ASGR1: variants seen among roughly 807,000 people sequenced by gnomAD.
ASGR1 encodes the protein C-type lectin domain family 4 member H1.
In ASGR1, 35 loss-of-function variants were observed where a neutral mutation model predicts 33.1. The ratio of observed to expected loss-of-function variants is 1.06; its 90% CI spans 0.81 to 1.40. The LOEUF (loss-of-function observed/expected upper bound fraction) is 1.40, where lower values mean the gene tolerates loss of function less well. Ranked by LOEUF, ASGR1 falls within the 40% of genes most tolerant of loss-of-function variation. The pLI is 0.00. For missense variants in ASGR1, 396 were observed against 373.7 expected, an observed-to-expected ratio of 1.06 and a Z score of -0.49; for synonymous variants, 142 against 152.5, an observed-to-expected ratio of 0.93 and a Z score of 0.51.
Position 7,177,006 on chromosome 17 carries a change from G to C in ASGR1, c.258C>G (p.Ala86=). 1 of 1,612,222 alleles carries C rather than the reference G, an allele frequency of 6.2e-7. No individual in the cohort carries two copies. Among genetic ancestry groups the C allele is most frequent in the Non-Finnish European group, 8.5e-7 (1 of 1,179,828 alleles). The change falls in exon 4 of 9, where the codon GCC becomes GCG. Residue 86 remains alanine, a synonymous_variant. Coordinates refer to ENST00000269299, the MANE Select transcript of ASGR1 (RefSeq NM_001671.5). ...TFSNFTASTE[A]QVKGLSTQGG... ...CCTGGGTGCTCAAGCCCTTGACCTG[G>C]GCCTCCGTGCTCGCTGTGAAGTTGC...
rs1203143511 is a variant in ASGR1 at position 7,177,321 on chromosome 17, G to A, written c.76C>T (p.Pro26Ser). The A allele has an allele frequency of 1.9e-6, 3 of 1,613,336 alleles. No individual in the cohort carries two copies. Among genetic ancestry groups the A allele is most frequent in the Non-Finnish European group, 2.5e-6 (3 of 1,179,686 alleles). ...CGCTGCAGGAGGGGCTGGGGAGGAG[G>A]TGGCCCTGCAAGAGGAGGGGGTGTC... ...SDHHQLRKGP[P>S]PPQPLLQRLC... Residue 26 changes from proline (P) to serine (S), a missense_variant, in exon 3 of 9, where the codon CCT becomes TCT. Pro to Ser is a moderately conservative substitution (Grantham distance 74). Coordinates refer to ENST00000269299, the MANE Select transcript of ASGR1 (RefSeq NM_001671.5).
intron 2 of ASGR1, 182 bp downstream of exon 2, chr17:7,178,312 A>G (rs969780460): frequency 1.5e-6 from 1 of 652,836 alleles, no homozygotes; most frequent in Non-Finnish European, 2.7e-6. Context: ...CAATAAAGGG[A>G]CTCCAACCCC....
intron 3 of ASGR1, 31 bp downstream of exon 3, chr17:7,177,179 G>C (rs761940338): frequency 6.2e-7 from 1 of 1,612,018 alleles, no homozygotes; most frequent in South Asian, 1.1e-5. Context: ...ACCCCCCAAT[G>C]TTGCCCCCTT....
At chr17:7,177,189 T>G (rs767476051) in intron 3 of ASGR1, 21 bp downstream of exon 3, 6 of 1,612,298 alleles carry the variant, frequency 3.7e-6, no homozygotes, top group African/African-American at 2.7e-5. Context: ...GTTGCCCCCT[T>G]CCCACCCCTG....
intron 5 of ASGR1, among the ~76,000 whole-genome samples, chr17:7,175,014 ACACT>A (rs1005029755): frequency 6.0e-5 from 9 of 149,124 alleles, no homozygotes; most frequent in Non-Finnish European, 1.0e-4. Context: ...ACTCACATAC[ACACT>A]CACACAACAC....
rs929644387 is a variant in ASGR1 at position 7,174,687 on chromosome 17, TAACACACACACACAGACAATATAC to T, written c.356-251_356-228del. 2.3e-4 allele frequency among the ~76,000 whole-genome samples: 32 copies of T among 140,106 alleles called. 1 individual carries two copies. In the Middle Eastern group the frequency reaches 0.013, roughly 56 times the overall value. The allele number at this position is 140,106 out of a possible 152,430, so 91.9% of individuals were successfully genotyped here. A position where few individuals can be genotyped will look rare whatever the true frequency, so the allele number is the denominator to read the frequency against. The stretch of plus-strand genomic sequence containing the variant: ...ACTCACACAGACACACAACACATCC[TAACACACACACACAGACAATATAC>T]AACACACACACACACAACCTAACCC... On this transcript the variant is annotated intron_variant, in intron 5 of 8. Coordinates refer to ENST00000269299, the MANE Select transcript of ASGR1 (RefSeq NM_001671.5).
At position 7,173,646 on chromosome 17, in the gene ASGR1, T is replaced by C. The variant is rs764297498; in HGVS notation, c.*13A>G. On this transcript the variant is annotated 3_prime_UTR_variant, in exon 9 of 9. Transcript: ENST00000269299. This position sits in a 1 kb window ranked among gnomAD's most constrained non-coding sequence, Gnocchi z 4.7. ...CGGACCCCTGCGGCAGGTCGAGGCATTGAAGAAATAAATTAAAGGAGAGGT... is the reference window on the plus strand; with the variant it reads ...CGGACCCCTGCGGCAGGTCGAGGCACTGAAGAAATAAATTAAAGGAGAGGT... 1.2e-5 allele frequency: 19 copies of C among 1,612,062 alleles called. No homozygotes were observed. In the Admixed American group the frequency reaches 2.3e-4, roughly 20 times the overall value.
intron 5 of ASGR1, 98 bp downstream of exon 5, chr17:7,176,732 T>A: frequency 6.6e-7 from 1 of 1,514,758 alleles, no homozygotes; most frequent in Non-Finnish European, 9.0e-7. Context: ...CCTCTCATTC[T>A]CACACACATC....
Position 7,176,815 on chromosome 17 carries a change from C to T in ASGR1, c.355+15G>A. On this transcript the variant is annotated intron_variant, in intron 5 of 8. Coordinates refer to ENST00000269299, the MANE Select transcript of ASGR1 (RefSeq NM_001671.5). ...TTTCACACACACACACACACACACA[C>T]ACTCCCTCTCTGACCTTCACTCAGG... is the stretch of plus-strand genomic sequence containing the variant. 6.2e-6 allele frequency: 10 copies of T among 1,611,624 alleles called. No homozygotes were observed. The highest frequency in any genetic ancestry group is 8.5e-6 in the Non-Finnish European group (10 of 1,179,984).
At chr17:7,178,819 C>T in intron 1 of ASGR1, 2 of 340,912 alleles carry the variant, frequency 5.9e-6, no homozygotes, top group Non-Finnish European at 1.0e-5. Flanking sequence ...TTACTGCAAC[C>T]TCTGCCTCCC....
At position 7,174,251 on chromosome 17, in the gene ASGR1, G is replaced by T; in HGVS notation, c.481C>A (p.His161Asn). Residue 161 changes from histidine to asparagine, a missense_variant, in exon 7 of 9, where the codon CAC (histidine) becomes AAC (asparagine). By Grantham distance (68) the His-to-Asn change is moderately conservative. Coordinates refer to ENST00000269299, the MANE Select transcript of ASGR1 (RefSeq NM_001671.5). ...GAGAACCAGTAGCAGCTGCGCTCGT[G>T]CTCCACCCAGTTGACCGGGCAGCAG... ...RTCCPVNWVEHERSCYWFSRS... is the reference protein window; with the variant it reads ...RTCCPVNWVENERSCYWFSRS... The T allele has an allele frequency of 6.2e-7, 1 of 1,614,166 alleles. No individual in the cohort carries two copies. The highest frequency in any genetic ancestry group is 8.5e-7 in the Non-Finnish European group (1 of 1,180,006).
At position 7,173,856 on chromosome 17, in the gene ASGR1, G is replaced by A; in HGVS notation, c.702-23C>T. The A allele has an allele frequency of 6.2e-7, 1 of 1,607,430 alleles. No homozygotes were observed. Among genetic ancestry groups the A allele is most frequent in the Non-Finnish European group, 8.5e-7 (1 of 1,177,534 alleles). On this transcript the variant is annotated intron_variant, in intron 8 of 8. Coordinates refer to ENST00000269299, the MANE Select transcript of ASGR1 (RefSeq NM_001671.5). This position sits in a 1 kb window ranked among gnomAD's most constrained non-coding sequence, Gnocchi z 4.7. ...TTCCTGGGGACAGAGCCAGCTGTGG[G>A]CCCCAGGAGGTCGGATCCGCAGGCG... is the stretch of plus-strand genomic sequence containing the variant.
chr17:7,173,947 G>C lies in ASGR1; in HGVS notation c.701+14C>G. 6.2e-7 allele frequency: 1 copy of C among 1,614,012 alleles called. No homozygotes were observed. Among genetic ancestry groups the C allele is most frequent in the Non-Finnish European group, 8.5e-7 (1 of 1,179,964 alleles). ...AGGCGGCCGGACCCAGGCCGAGGGA[G>C]GGCGCGCACTCACTTGAAGCCCGTC... On this transcript the variant is annotated intron_variant, in intron 8 of 8. Transcript: ENST00000269299. The surrounding 1 kb of genome is among the most constrained non-coding windows in gnomAD (Gnocchi z 4.7).
At chr17:7,174,897 AAC>A (rs974873543) in intron 5 of ASGR1, among the ~76,000 whole-genome samples, 3 of 148,692 alleles carry the variant, frequency 2.0e-5, no homozygotes, top group Non-Finnish European at 3.0e-5. Flanking sequence ...CAACACATAA[AAC>A]ACACAATACA....
In ASGR1 at chr17:7,173,716, G is replaced by A. The variant is rs138782271; in HGVS notation, c.819C>T (p.Tyr273=). ...RWNDDVCQRP[Y]RWVCETELDK... Reference sequence around the variant, plus strand: ...CCAGCTCTGTCTCGCAGACCCAGCGGTAGGGCCTCTGGCAGACGTCGTCGT... The same window carrying A: ...CCAGCTCTGTCTCGCAGACCCAGCGATAGGGCCTCTGGCAGACGTCGTCGT... Residue 273 remains tyrosine (Y), a synonymous_variant, in exon 9 of 9, where the codon TAC becomes TAT. Transcript: ENST00000269299. The surrounding 1 kb of genome is among the most constrained non-coding windows in gnomAD (Gnocchi z 4.7). The A allele has an allele frequency of 2.5e-6, 4 of 1,613,908 alleles. No individual in the cohort carries two copies. Among genetic ancestry groups the A allele is most frequent in the African/African-American group, 2.7e-5 (2 of 75,068 alleles).
In ASGR1 at chr17:7,177,031, C is replaced by T. The variant is rs2069226149; in HGVS notation, c.233G>A (p.Ser78Asn). 6.2e-7 allele frequency: 1 copy of T among 1,611,810 alleles called. No homozygotes were observed. The highest frequency in any genetic ancestry group is 8.5e-7 in the Non-Finnish European group (1 of 1,179,494). Residue 78 changes from serine (S) to asparagine (N), a missense_variant, in exon 4 of 9, where the codon AGC becomes AAC. Transcript: ENST00000269299. ...EELRGLRETF[S>N]NFTASTEAQV... ...GGCCTCCGTGCTCGCTGTGAAGTTG[C>T]TGAACGTCTCTCTCAGGCCCCGCAG... is the stretch of plus-strand genomic sequence containing the variant.
intron 5 of ASGR1, among the ~76,000 whole-genome samples, chr17:7,175,902 C>A (rs2069195663): frequency 6.7e-6 from 1 of 149,566 alleles, no homozygotes; most frequent in South Asian, 2.1e-4. Context: ...CCATCTCATT[C>A]TCACACTCAC....
At chr17:7,174,712 AACACAC>A (rs377586367) in intron 5 of ASGR1, among the ~76,000 whole-genome samples, 1 of 143,864 alleles carries the variant, frequency 7.0e-6, no homozygotes, top group Non-Finnish European at 1.5e-5. Context: ...GACAATATAC[AACACAC>A]ACACACACAA....
chr17:7,176,056 TCACA>T (rs1003054502), intron 5 of ASGR1, among the ~76,000 whole-genome samples: 2 of 129,814 alleles, frequency 1.5e-5, no homozygotes, highest in Non-Finnish European at 3.3e-5. Context: ...TCACACAGAC[TCACA>T]CACCCATCCA....
Sources: allele counts gnomAD v4.1 joint callset (sites outside exome capture counted in the v4.1 genomes callset), GRCh38; gene constraint gnomAD v4.1.1; non-coding constraint Gnocchi (gnomAD v3.1); transcripts MANE v1.5; gene names NCBI Gene and HGNC (gene_info 2026-07-23, HGNC 2026-07-21).